ESYT2: variants seen among roughly 807,000 people sequenced by gnomAD.
ESYT2 encodes extended synaptotagmin 2.
A neutral mutation model predicts 107.2 loss-of-function variants in ESYT2; 54 were observed. That is an observed-to-expected ratio of 0.50 (90% CI 0.40 to 0.63). The LOEUF is 0.63. Ranked by LOEUF, ESYT2 falls within the 30% of genes least tolerant of loss-of-function variation. The probability of loss-of-function intolerance (pLI) is 0.00; values close to 1 mark genes in which losing one functional copy is unlikely to be tolerated. For missense variants in ESYT2, 1,020 were observed against 1,094.5 expected (o/e 0.93, Z 0.96); for synonymous variants, 491 against 434.1 (o/e 1.13, Z -1.63).
At chr7:158,792,561 C>T (rs540526931) in intron 4 of ESYT2, among the ~76,000 whole-genome samples, 4 of 147,564 alleles carry the variant, frequency 2.7e-5, no homozygotes, top group Admixed American at 6.7e-5. Context: ...AACAAAAACA[C>T]ACATACATAT....
intron 1 of ESYT2, 56 bp downstream of exon 1, chr7:158,829,033 G>T: frequency 1.3e-6 from 2 of 1,554,294 alleles, no homozygotes; most frequent in Non-Finnish European, 1.7e-6. Context: ...CTGCCTGGAC[G>T]AGGGGAGATC....
At chr7:158,780,654 T>G (rs1838744366) in intron 6 of ESYT2, among the ~76,000 whole-genome samples, 1 of 152,246 alleles carries the variant, frequency 6.6e-6, no homozygotes, top group Admixed American at 6.5e-5. Context: ...CACGTGGGCC[T>G]TGTTGAAAAG....
intron 6 of ESYT2, among the ~76,000 whole-genome samples, chr7:158,781,962 A>G (rs1017091442): frequency 5.2e-5 from 5 of 96,568 alleles, no homozygotes; most frequent in African/African-American, 2.0e-4. Flanking sequence ...AGTGTGAACG[A>G]GTGTGAGAAC....
intron 6 of ESYT2, among the ~76,000 whole-genome samples, chr7:158,780,338 G>C (rs150810192): frequency 6.6e-6 from 1 of 152,122 alleles, no homozygotes; most frequent in Non-Finnish European, 1.5e-5. Context: ...GATCTTTCTC[G>C]CCACTATCAA....
At chr7:158,781,768 TAAG>T (rs1838832767) in intron 6 of ESYT2, among the ~76,000 whole-genome samples, 1 of 151,662 alleles carries the variant, frequency 6.6e-6, no homozygotes, top group Admixed American at 6.6e-5. Context: ...GATGTGAGTG[TAAG>T]AACGAGAACA....
At chr7:158,802,354 T>A (rs1584869240) in intron 1 of ESYT2, among the ~76,000 whole-genome samples, 1 of 152,122 alleles carries the variant, frequency 6.6e-6, no homozygotes, top group African/African-American at 2.4e-5. Flanking sequence ...TGGCACGATC[T>A]CAGCTCACTA....
intron 6 of ESYT2, 98 bp downstream of exon 6, chr7:158,787,906 G>T: frequency 1.1e-6 from 1 of 923,212 alleles, no homozygotes; most frequent in South Asian, 1.5e-5. Flanking sequence ...ACAACGGTGA[G>T]TTGATAAAAT....
In ESYT2 at chr7:158,758,167, T is replaced by C. The variant is rs953908472; in HGVS notation, c.1419+1319A>G. On this transcript the variant is annotated intron_variant, in intron 13 of 22. Coordinates refer to ENST00000275418, the MANE Select transcript of ESYT2 (RefSeq NM_001367773.1). ...TTCATTGAAATAAACAGTGCAATTA[T>C]ATACAATTACATACAACAAAGAGTA... 2.0e-4 allele frequency among the ~76,000 whole-genome samples: 31 copies of C among 152,344 alleles called. 1 individual carries two copies. Among genetic ancestry groups the C allele is most frequent in the Admixed American group, 1.1e-3 (17 of 15,308 alleles).
At chr7:158,780,880 G>A (rs1838756184) in intron 6 of ESYT2, among the ~76,000 whole-genome samples, 1 of 152,258 alleles carries the variant, frequency 6.6e-6, no homozygotes, top group Non-Finnish European at 1.5e-5. Context: ...GCCAGAGGCT[G>A]TAATGACGGA....
chr7:158,825,334 C>T (rs1404640153), intron 1 of ESYT2, among the ~76,000 whole-genome samples: 1 of 152,150 alleles, frequency 6.6e-6, no homozygotes, highest in Non-Finnish European at 1.5e-5. Flanking sequence ...AATAAATCTT[C>T]TCTTCTTCAC....
chr7:158,764,831 A>T lies in ESYT2; in HGVS notation c.947T>A (p.Ile316Asn). 1 of 1,614,142 alleles carries T rather than the reference A, an allele frequency of 6.2e-7. No individual in the cohort carries two copies. The highest frequency in any genetic ancestry group is 8.5e-7 in the Non-Finnish European group (1 of 1,180,008). ...TTTCCCCTGAAGATCCTGAGCTTCAATAAAATGTATCCTTAGAACACCCTG... is the reference window on the plus strand; with the variant it reads ...TTTCCCCTGAAGATCCTGAGCTTCATTAAAATGTATCCTTAGAACACCCTG... The part of the protein sequence containing the change: ...VPKGVLRIHF[I>N]EAQDLQGKDT... The change falls in exon 9 of 23, where the codon ATT (isoleucine) becomes AAT (asparagine). Residue 316 changes from isoleucine (I) to asparagine (N), a missense_variant. Coordinates refer to ENST00000275418, the MANE Select transcript of ESYT2 (RefSeq NM_001367773.1).
chr7:158,743,219 T>C (rs1490684271), intron 17 of ESYT2, among the ~76,000 whole-genome samples: 1 of 152,212 alleles, frequency 6.6e-6, no homozygotes, highest in African/African-American at 2.4e-5. Context: ...ACAGTAACAC[T>C]TTCTGGGCCA....
At position 158,734,422 on chromosome 7, in the gene ESYT2, C is replaced by A. The variant is rs1314307003; in HGVS notation, c.2555G>T (p.Trp852Leu). 6.2e-7 allele frequency: 1 copy of A among 1,613,914 alleles called. No homozygotes were observed. The highest frequency in any genetic ancestry group is 2.2e-5 in the East Asian group (1 of 44,890). ...SEELAKGWTQ[W>L]YDLTEDGTRP... ...CTCTGTCTGCAGCAGGGACACTCAC[C>A]ACTGGGTCCAGCCTTTGGCAAGTTC... Residue 852 changes from tryptophan to leucine, a missense_variant and splice_region_variant, in exon 22 of 23, where the codon TGG becomes TTG. Coordinates refer to ENST00000275418, the MANE Select transcript of ESYT2 (RefSeq NM_001367773.1).
At chr7:158,761,305 T>G (rs1837951034) in intron 11 of ESYT2, among the ~76,000 whole-genome samples, 191 bp downstream of exon 11, 1 of 152,238 alleles carries the variant, frequency 6.6e-6, no homozygotes. Flanking sequence ...AATGGACTCT[T>G]AAATTTATTT....
rs749928921 is a variant in ESYT2, at chr7:158,800,729, C to CTT, written c.331-1659_331-1658dup. Among the ~76,000 whole-genome samples, 282 of 118,576 alleles carry CTT rather than the reference C, an allele frequency of 2.4e-3. 2 individuals carry two copies. Among genetic ancestry groups the CTT allele is most frequent in the African/African-American group, 8.8e-3 (266 of 30,296 alleles). The allele number at this position is 118,576 out of a possible 152,430, so 77.8% of individuals were successfully genotyped here. Reference sequence around the variant, plus strand: ...TAGGTTTCTTTTTCTTTTTTCTTTTCTTTTCTTTTTTTTTTTTGAGACAGA... The same window carrying CTT: ...TAGGTTTCTTTTTCTTTTTTCTTTTCTTTTTTCTTTTTTTTTTTTGAGACAGA... On this transcript the variant is annotated intron_variant, in intron 1 of 22. Transcript: ENST00000275418.
intron 4 of ESYT2, among the ~76,000 whole-genome samples, chr7:158,792,036 G>C (rs894094931): frequency 6.6e-6 from 1 of 151,956 alleles, no homozygotes; most frequent in Non-Finnish European, 1.5e-5. Flanking sequence ...TATTACAAAT[G>C]AAATTGTTTC....
rs144340695 is a variant in ESYT2 at position 158,735,260 on chromosome 7, G to T, written c.2505+243C>A. Reference sequence around the variant, plus strand: ...AGCAGAGCCATCAGTTGAGGAGATGGAATTGTAAGAGATTATTTTCCTTCA... The same window carrying T: ...AGCAGAGCCATCAGTTGAGGAGATGTAATTGTAAGAGATTATTTTCCTTCA... On this transcript the variant is annotated intron_variant, in intron 21 of 22. Coordinates refer to ENST00000275418, the MANE Select transcript of ESYT2 (RefSeq NM_001367773.1). 6.9e-4 allele frequency among the ~76,000 whole-genome samples: 105 copies of T among 152,358 alleles called. 1 individual carries two copies. Among genetic ancestry groups the T allele is most frequent in the African/African-American group, 2.5e-3 (104 of 41,578 alleles).
At chr7:158,744,405 T>A (rs904548082) in intron 16 of ESYT2, among the ~76,000 whole-genome samples, 1 of 152,218 alleles carries the variant, frequency 6.6e-6, no homozygotes, top group Non-Finnish European at 1.5e-5. Context: ...ATGGTGGCAA[T>A]ACACACTCAT....
chr7:158,785,374 G>A (rs958275911), intron 6 of ESYT2, among the ~76,000 whole-genome samples: 6 of 151,956 alleles, frequency 3.9e-5, no homozygotes, highest in Non-Finnish European at 8.8e-5. Context: ...GCGGTGAGCC[G>A]AGATTGCGCC....
Sources: allele counts gnomAD v4.1 joint callset (sites outside exome capture counted in the v4.1 genomes callset), GRCh38; gene constraint gnomAD v4.1.1; transcripts MANE v1.5; gene names NCBI Gene and HGNC (gene_info 2026-07-23, HGNC 2026-07-21).